Variants in SAMD14 observed in about 807,000 individuals in gnomAD.
The protein encoded by SAMD14 is sterile alpha motif domain-containing protein 14.
Under a neutral mutation model 46.2 loss-of-function variants are expected in SAMD14, and 27 were observed. The observed-to-expected ratio is 0.58, with a 90% CI of 0.43 to 0.81. SAMD14 has a LOEUF of 0.81. Ranked by LOEUF, SAMD14 falls within the 30% of genes least tolerant of loss-of-function variation. The probability of loss-of-function intolerance (pLI) is 0.00; values close to 1 mark genes in which losing one functional copy is unlikely to be tolerated. For synonymous variants in SAMD14, 241 were observed against 254.3 expected, an observed-to-expected ratio of 0.95 and a Z score of 0.50; for missense variants, 559 against 582.2, an observed-to-expected ratio of 0.96 and a Z score of 0.41.
chr17:50,128,229 G>C (rs1911865747), intron 1 of SAMD14, among the ~76,000 whole-genome samples: 1 of 152,078 alleles, frequency 6.6e-6, no homozygotes, highest in Admixed American at 6.5e-5. Context: ...TCCTCTTCCA[G>C]GCACCCTCTG....
rs2293534 is a variant in SAMD14, at chr17:50,115,820, C to A, written c.662+10G>T. ...GGAGCTGTGGGTGGGCCGCCATGGG[C>A]ACCTCTCACCTGCTGCCCATGGACA... On this transcript the variant is annotated intron_variant, in intron 6 of 9. Transcript: ENST00000330175. This position sits in a 1 kb window ranked among gnomAD's most constrained non-coding sequence, Gnocchi z 5.3. 10,271 of 1,612,650 alleles carry A rather than the reference C, an allele frequency of 6.4e-3. 947 individuals are homozygous for A. The East Asian group carries it at 0.2, about 31-fold the overall frequency.
rs1911176724 is a variant in SAMD14 at position 50,115,983 on chromosome 17, C to G, written c.587+20G>C. The G allele has an allele frequency of 6.2e-7, 1 of 1,613,766 alleles. No homozygotes were observed. Among genetic ancestry groups the G allele is most frequent in the African/African-American group, 1.3e-5 (1 of 75,058 alleles). ...CCCCAGCAGCTCCAAGCCCTGCGAT[C>G]TAGCCCCGCCTCCACTCACCCCAGG... On this transcript the variant is annotated intron_variant, in intron 5 of 9. Coordinates refer to ENST00000330175, the MANE Select transcript of SAMD14 (RefSeq NM_001257359.2). The surrounding 1 kb of genome is among the most constrained non-coding windows in gnomAD (Gnocchi z 5.3).
chr17:50,126,398 G>C (rs1388779526), intron 1 of SAMD14, among the ~76,000 whole-genome samples: 1 of 149,780 alleles, frequency 6.7e-6, no homozygotes, highest in East Asian at 2.0e-4. Context: ...TCTGCCTCCC[G>C]GGTCCACGCC....
intron 2 of SAMD14, 148 bp downstream of exon 2, chr17:50,124,769 G>GCACACACACACACA: frequency 2.1e-6 from 1 of 477,202 alleles, no homozygotes; most frequent in South Asian, 2.4e-5. Context: ...GCACGCGCGC[G>GCACACACACACACA]CGCACACACA....
Position 50,129,042 on chromosome 17 carries a change from G to A in SAMD14, c.-13+475C>T, listed in dbSNP as rs1164742590. ...GAGGCAGTTGTGGAGCCAGAGAGGT[G>A]GTCCCCCCTTCCCATATCGCCGGCC... is the stretch of plus-strand genomic sequence containing the variant. On this transcript the variant is annotated intron_variant, in intron 1 of 9. Transcript: ENST00000330175. This position sits in a 1 kb window ranked among gnomAD's most constrained non-coding sequence, Gnocchi z 5.6. Among the ~76,000 whole-genome samples the A allele has an allele frequency of 6.6e-6, 1 of 152,176 alleles. No homozygotes were observed. The highest frequency in any genetic ancestry group is 1.5e-5 in the Non-Finnish European group (1 of 68,026).
rs764972672 is a variant in SAMD14 at position 50,116,024 on chromosome 17, C to T, written c.566G>A (p.Arg189His). 28 of 1,613,958 alleles carry T rather than the reference C, an allele frequency of 1.7e-5. No individual in the cohort carries two copies. The Admixed American group carries it at 2.0e-4, about 12-fold the overall frequency. ...SPTIGLDKKT[R>H]RKFLDLGVTL... Reference sequence around the variant, plus strand: ...TCACCCCAGGTCCAGGAACTTTCGGCGAGTCTTCTTATCGAGGCCGATGGT... The same window carrying T: ...TCACCCCAGGTCCAGGAACTTTCGGTGAGTCTTCTTATCGAGGCCGATGGT... Residue 189 changes from arginine (R) to histidine (H), a missense_variant, in exon 5 of 10, where the codon CGC becomes CAC. Coordinates refer to ENST00000330175, the MANE Select transcript of SAMD14 (RefSeq NM_001257359.2).
At chr17:50,116,949 G>A (rs1331339077) in intron 4 of SAMD14, among the ~76,000 whole-genome samples, 1 of 152,124 alleles carries the variant, frequency 6.6e-6, no homozygotes, top group Non-Finnish European at 1.5e-5. Flanking sequence ...CAAAACTCCC[G>A]GGTTCAAGCT....
In SAMD14 at chr17:50,115,434, CTGCA is replaced by C. The variant is rs1181906507; in HGVS notation, c.822+126_822+129del. ...AGAGAATGCATGAAGTAACGGATCA[CTGCA>C]TGGCTCCATGGATGGACAAATTGAT... On this transcript the variant is annotated intron_variant, in intron 7 of 9. Coordinates refer to ENST00000330175, the MANE Select transcript of SAMD14 (RefSeq NM_001257359.2). This position sits in a 1 kb window ranked among gnomAD's most constrained non-coding sequence, Gnocchi z 5.3. The C allele has an allele frequency of 1.1e-6, 1 of 951,172 alleles. No homozygotes were observed. The highest frequency in any genetic ancestry group is 1.5e-6 in the Non-Finnish European group (1 of 650,188). The allele number at this position is 951,172 out of a possible 1,614,324, so 58.9% of individuals were successfully genotyped here. A position where few individuals can be genotyped will look rare whatever the true frequency, so the allele number is the denominator to read the frequency against.
At chr17:50,121,789 G>A (rs1218868915) in intron 2 of SAMD14, among the ~76,000 whole-genome samples, 1 of 134,140 alleles carries the variant, frequency 7.5e-6, no homozygotes, top group Non-Finnish European at 1.6e-5. Flanking sequence ...ACATGACTAT[G>A]GCTAAGAGCA....
intron 9 of SAMD14, chr17:50,113,648 G>T: frequency 2.0e-6 from 1 of 488,692 alleles, no homozygotes; most frequent in Non-Finnish European, 3.7e-6. Context: ...ATCCTAGAGG[G>T]CAAGGTCAGC....
At chr17:50,113,212 C>G in intron 9 of SAMD14, 164 bp from the exon 10 acceptor site, 1 of 733,384 alleles carries the variant, frequency 1.4e-6, no homozygotes, top group Non-Finnish European at 2.2e-6. Context: ...GATCAGAACC[C>G]CCAGAGCAAG....
chr17:50,114,634 C>T (rs375387650), intron 7 of SAMD14: 37 of 562,250 alleles, frequency 6.6e-5, no homozygotes, highest in Non-Finnish European at 1.1e-4. Flanking sequence ...CTCTGCTATG[C>T]GCCTCCCGCC....
At chr17:50,127,914 G>GTCT (rs1445496152) in intron 1 of SAMD14, among the ~76,000 whole-genome samples, 1 of 152,186 alleles carries the variant, frequency 6.6e-6, no homozygotes. Flanking sequence ...CCTCTCATTT[G>GTCT]TCTTCGTAAT....
At position 50,110,808 on chromosome 17, in the gene SAMD14, C is replaced by T. The variant is rs1384997638; in HGVS notation, c.*2085G>A. ...CCCTCCCAGCATGTCCTCACATGCT[C>T]ATGCCCACCCGCTCCTCCACAAGCC... is the stretch of plus-strand genomic sequence containing the variant. On this transcript the variant is annotated 3_prime_UTR_variant, in exon 10 of 10. Transcript: ENST00000330175. 6.6e-6 allele frequency: 1 copy of T among 152,262 alleles called. No individual in the cohort carries two copies. Among genetic ancestry groups the T allele is most frequent in the Non-Finnish European group, 1.5e-5 (1 of 68,094 alleles). The allele number at this position is 152,262 out of a possible 1,614,324, so 9.4% of individuals were successfully genotyped here. A position where few individuals can be genotyped will look rare whatever the true frequency, so the allele number is the denominator to read the frequency against.
chr17:50,121,098 T>C (rs576835427), intron 2 of SAMD14, among the ~76,000 whole-genome samples: 55 of 152,322 alleles, frequency 3.6e-4, no homozygotes, highest in African/African-American at 1.2e-3. Flanking sequence ...AAAAATGTTC[T>C]GTTGATTGGC....
At chr17:50,124,777 A>ACG in intron 2 of SAMD14, 140 bp downstream of exon 2, 3 of 454,316 alleles carry the variant, frequency 6.6e-6, no homozygotes, top group East Asian at 3.0e-5. Flanking sequence ...GCGCGCACAC[A>ACG]CACACACACA....
At chr17:50,114,514 A>G (rs1295002276) in intron 7 of SAMD14, 3 of 1,449,830 alleles carry the variant, frequency 2.1e-6, no homozygotes, top group African/African-American at 1.4e-5. Flanking sequence ...AGCCATCTGG[A>G]GGACATGGGG....
Position 50,117,473 on chromosome 17 carries a change from C to T in SAMD14, c.433G>A (p.Ala145Thr). 3 of 1,400,762 alleles carry T rather than the reference C, an allele frequency of 2.1e-6. No homozygotes were observed. Among genetic ancestry groups the T allele is most frequent in the Non-Finnish European group, 1.8e-6 (2 of 1,085,348 alleles). 86.8% of individuals were successfully genotyped at this position (1,400,762 alleles called of 1,614,324 possible). A position where few individuals can be genotyped will look rare whatever the true frequency, so the allele number is the denominator to read the frequency against. The stretch of plus-strand genomic sequence containing the variant: ...CTGGGGGAGCTGTCGGAGGAGGGCG[C>T]GGAGCGCGGCGGAGAGCAGGAGGCG... ...AAASCSPPRS[A>T]PSSDSSPSFV... is the part of the protein sequence containing the mutation. The change falls in exon 4 of 10, where the codon GCG (alanine) becomes ACG (threonine). Residue 145 changes from alanine to threonine, a missense_variant. By Grantham distance (58) the Ala-to-Thr change is moderately conservative. Transcript: ENST00000330175.
chr17:50,112,852 G>C lies in SAMD14; in HGVS notation c.*41C>G. 6.3e-7 allele frequency: 1 copy of C among 1,580,062 alleles called. No individual in the cohort carries two copies. Among genetic ancestry groups the C allele is most frequent in the African/African-American group, 1.4e-5 (1 of 74,064 alleles). ...GGTGAGGCCTGTGCCCGCGGAGCCA[G>C]TGGCTGCCCCTGCCGGGTGCCAGCG... On this transcript the variant is annotated 3_prime_UTR_variant, in exon 10 of 10. Transcript: ENST00000330175.
Sources: gnomAD v4.1 joint callset for allele counts (sites outside exome capture counted in the v4.1 genomes callset) on GRCh38, gnomAD v4.1.1 for gene constraint, Gnocchi (gnomAD v3.1) non-coding constraint, MANE v1.5 for transcripts, NCBI Gene and HGNC (gene_info 2026-07-23, HGNC 2026-07-21) for gene names.